The following XYLB variants were observed in gnomAD, a reference collection of about 807,000 sequenced individuals.
XYLB encodes the protein xylulose kinase.
Under a neutral mutation model 78.7 loss-of-function variants are expected in XYLB, and 62 were observed. The observed-to-expected ratio is 0.79, with a 90% CI of 0.64 to 0.97. The LOEUF is 0.97. Ranked by LOEUF, XYLB falls within the 50% of genes least tolerant of loss-of-function variation. The probability of loss-of-function intolerance (pLI) is 0.00; values close to 1 mark genes in which losing one functional copy is unlikely to be tolerated. For missense variants in XYLB, 687 were observed against 676.8 expected, an observed-to-expected ratio of 1.02 and a Z score of -0.17; for synonymous variants, 245 against 247.4, an observed-to-expected ratio of 0.99 and a Z score of 0.09.
At chr3:38,369,575 A>C (rs1706438614) in intron 8 of XYLB, among the ~76,000 whole-genome samples, 1 of 152,106 alleles carries the variant, frequency 6.6e-6, no homozygotes, top group South Asian at 2.1e-4. Flanking sequence ...GTCCTTTCCC[A>C]TCCTCAGGAA....
intron 9 of XYLB, among the ~76,000 whole-genome samples, chr3:38,372,110 C>G (rs1706597980): frequency 6.6e-6 from 1 of 152,144 alleles, no homozygotes; most frequent in African/African-American, 2.4e-5. Context: ...CACTCAAGAC[C>G]CATGTTTTTC....
At chr3:38,402,202 C>T (rs527567841) in intron 18 of XYLB, among the ~76,000 whole-genome samples, 8 of 152,250 alleles carry the variant, frequency 5.3e-5, no homozygotes, top group Non-Finnish European at 7.4e-5. Context: ...AAAGAAACTG[C>T]GAGCAAACCT....
chr3:38,432,433 G>A, the XYLB span, among the ~76,000 whole-genome samples: 5 of 152,086 alleles, frequency 3.3e-5, no homozygotes, highest in South Asian at 2.1e-4. Flanking sequence ...TGGGCATGGC[G>A]GTGTGTGCCT....
At chr3:38,395,413 A>C in intron 15 of XYLB, 92 bp from the exon 16 acceptor site, 1 of 1,165,244 alleles carries the variant, frequency 8.6e-7, no homozygotes, top group Non-Finnish European at 1.3e-6. Context: ...GCCCATCATG[A>C]GCCCTCTGTA....
chr3:38,385,146 G>A (rs1013350466), intron 15 of XYLB, among the ~76,000 whole-genome samples: 2 of 152,054 alleles, frequency 1.3e-5, no homozygotes, highest in Admixed American at 1.3e-4. Flanking sequence ...GATTACAGGT[G>A]CGCGCCATAC....
rs769394817 is a variant in XYLB at position 38,413,392 on chromosome 3, C to G, written c.*379C>G. 5 of 179,256 alleles carry G rather than the reference C, an allele frequency of 2.8e-5. No individual in the cohort carries two copies. The highest frequency in any genetic ancestry group is 5.7e-5 in the Non-Finnish European group (5 of 86,976). The allele number at this position is 179,256 out of a possible 1,614,324, so 11.1% of individuals were successfully genotyped here. On this transcript the variant is annotated 3_prime_UTR_variant, in exon 19 of 19. Coordinates refer to ENST00000207870, the MANE Select transcript of XYLB (RefSeq NM_005108.4). ...GGGGAGACAAAGCCCGGTCTCACCC[C>G]CTAACCTCATCCTATCTCTTTCTCC...
the XYLB span, among the ~76,000 whole-genome samples, chr3:38,446,730 A>G: frequency 2.6e-4 from 39 of 152,210 alleles, no homozygotes; most frequent in Non-Finnish European, 1.5e-5. Flanking sequence ...AGAAGAATGA[A>G]ACCAGACCCC....
chr3:38,436,322 A>T, the XYLB span, among the ~76,000 whole-genome samples: 1 of 152,164 alleles, frequency 6.6e-6, no homozygotes, highest in Non-Finnish European at 1.5e-5. Context: ...GAAAAAACAG[A>T]AGAAATGGAA....
intron 14 of XYLB, among the ~76,000 whole-genome samples, chr3:38,378,508 A>G (rs955366501): frequency 6.6e-6 from 1 of 152,142 alleles, no homozygotes; most frequent in Non-Finnish European, 1.5e-5. Context: ...CGGGTTGGAG[A>G]CTTACCCTGG....
the XYLB span, among the ~76,000 whole-genome samples, chr3:38,449,798 G>A: frequency 6.6e-6 from 1 of 152,300 alleles, no homozygotes; most frequent in East Asian, 1.9e-4. Flanking sequence ...TCACGAGAAA[G>A]ATATAAATTT....
At chr3:38,385,642 T>A (rs1707351736) in intron 15 of XYLB, among the ~76,000 whole-genome samples, 1 of 152,240 alleles carries the variant, frequency 6.6e-6, no homozygotes, top group Non-Finnish European at 1.5e-5. Flanking sequence ...CAGTGAGTGG[T>A]CCTTCAAACT....
At chr3:38,389,721 C>A (rs557586711) in intron 15 of XYLB, among the ~76,000 whole-genome samples, 1 of 152,350 alleles carries the variant, frequency 6.6e-6, no homozygotes, top group East Asian at 1.9e-4. Flanking sequence ...GCCCCTCCCT[C>A]CATCAAGTCT....
At chr3:38,448,371 C>T in the XYLB span, among the ~76,000 whole-genome samples, 4 of 152,034 alleles carry the variant, frequency 2.6e-5, no homozygotes, top group African/African-American at 9.7e-5. Flanking sequence ...TGATGGATAC[C>T]TAAATGCCAT....
chr3:38,426,403 T>C, the XYLB span, among the ~76,000 whole-genome samples: 1 of 152,178 alleles, frequency 6.6e-6, no homozygotes, highest in Non-Finnish European at 1.5e-5. Context: ...TAAGAAACAT[T>C]TGAAAGGTCA....
intron 3 of XYLB, among the ~76,000 whole-genome samples, chr3:38,361,041 A>G (rs1340447638): frequency 6.6e-6 from 1 of 152,168 alleles, no homozygotes; most frequent in Admixed American, 6.5e-5. Flanking sequence ...ATCTCAAAAA[A>G]AAAGAAAAAA....
chr3:38,409,132 C>T (rs1045670790), intron 18 of XYLB, among the ~76,000 whole-genome samples: 1 of 152,132 alleles, frequency 6.6e-6, no homozygotes, highest in South Asian at 2.1e-4. Context: ...ATGCAAAAAC[C>T]CTCAATAAAA....
At chr3:38,378,258 A>T (rs539218661) in intron 14 of XYLB, among the ~76,000 whole-genome samples, 2 of 152,332 alleles carry the variant, frequency 1.3e-5, no homozygotes, top group South Asian at 4.1e-4. Context: ...TCAATCCTAG[A>T]TTTGTCAAGG....
chr3:38,397,985 A>AT (rs1707951336), intron 17 of XYLB, among the ~76,000 whole-genome samples: 2 of 150,446 alleles, frequency 1.3e-5, no homozygotes, highest in Admixed American at 1.3e-4. Context: ...TGCCCAGCTA[A>AT]TTTTTTGTAT....
downstream of XYLB, among the ~76,000 whole-genome samples, chr3:38,424,796 A>C (rs1233733749): frequency 6.6e-6 from 1 of 152,214 alleles, no homozygotes; most frequent in Non-Finnish European, 1.5e-5. Flanking sequence ...TATTTACCCA[A>C]TTGCAAACAG....
Sources: allele counts gnomAD v4.1 joint callset (sites outside exome capture counted in the v4.1 genomes callset), GRCh38; gene constraint gnomAD v4.1.1; transcripts MANE v1.5; gene names NCBI Gene and HGNC (gene_info 2026-07-23, HGNC 2026-07-21).